Variants in EXOC5 observed in about 807,000 individuals in gnomAD.
EXOC5 encodes exocyst complex component 5.
Under a neutral mutation model 90.8 loss-of-function variants are expected in EXOC5, and 17 were observed. The observed-to-expected ratio is 0.19, with a 90% CI of 0.13 to 0.28. The LOEUF (loss-of-function observed/expected upper bound fraction) is 0.28. Ranked by LOEUF, EXOC5 falls within the 10% of genes least tolerant of loss-of-function variation. EXOC5 has a pLI of 1.00. For missense variants in EXOC5, 569 were observed against 830.6 expected (o/e 0.69, Z 3.87); for synonymous variants, 260 against 270.0 (o/e 0.96, Z 0.36).
intron 12 of EXOC5, among the ~76,000 whole-genome samples, chr14:57,228,207 A>G (rs1883369007): frequency 6.6e-6 from 1 of 152,118 alleles, no homozygotes; most frequent in South Asian, 2.1e-4. Context: ...GAAACAACAA[A>G]TGCTGGAGAG....
intron 6 of EXOC5, among the ~76,000 whole-genome samples, chr14:57,236,884 AG>A (rs1257703703): frequency 6.6e-6 from 1 of 151,042 alleles, no homozygotes; most frequent in Non-Finnish European, 1.5e-5. Flanking sequence ...GGAGTTAAAT[AG>A]ATACTGAAAT....
intron 17 of EXOC5, among the ~76,000 whole-genome samples, chr14:57,209,209 C>T (rs1882752805): frequency 6.6e-6 from 1 of 151,742 alleles, no homozygotes; most frequent in Non-Finnish European, 1.5e-5. Flanking sequence ...TGAAAATACA[C>T]CATAAAGCAA....
intron 1 of EXOC5, among the ~76,000 whole-genome samples, chr14:57,260,897 C>A (rs1884484167): frequency 6.6e-6 from 1 of 152,092 alleles, no homozygotes; most frequent in Admixed American, 6.5e-5. Context: ...CATTTCAAAT[C>A]AAATTAAGTG....
At chr14:57,252,056 T>C (rs139530942) in intron 1 of EXOC5, among the ~76,000 whole-genome samples, 12 of 152,252 alleles carry the variant, frequency 7.9e-5, no homozygotes, top group African/African-American at 2.9e-4. Flanking sequence ...GGGGACTGAA[T>C]CAGTAATCAA....
Position 57,268,705 on chromosome 14 carries a change from C to A in EXOC5, c.-57G>T, listed in dbSNP as rs1884780600. 1.9e-6 allele frequency: 3 copies of A among 1,553,658 alleles called. No homozygotes were observed. In the African/African-American group the frequency reaches 4.1e-5, roughly 21 times the overall value. On this transcript the variant is annotated 5_prime_UTR_variant, in exon 1 of 18. Coordinates refer to ENST00000621441, the MANE Select transcript of EXOC5 (RefSeq NM_006544.4). The stretch of plus-strand genomic sequence containing the variant: ...GATGCCGTCTCCGCTTCACATGCTG[C>A]GCCTCAGAGGCGCGGCGCACAGGTC...
chr14:57,256,968 T>C (rs957898107), intron 1 of EXOC5, among the ~76,000 whole-genome samples: 29 of 152,170 alleles, frequency 1.9e-4, no homozygotes, highest in African/African-American at 7.0e-4. Context: ...CCAAGGTTAC[T>C]TCCTAATAAA....
rs1882682964 is a variant in EXOC5 at position 57,207,204 on chromosome 14, G to C, written c.*1405C>G. The C allele has an allele frequency of 6.6e-6, 1 of 152,478 alleles. No individual in the cohort carries two copies. The highest frequency in any genetic ancestry group is 1.5e-5 in the Non-Finnish European group (1 of 67,944). 9.4% of individuals were successfully genotyped at this position (152,478 alleles called of 1,614,324 possible). ...CAGTACTAAGTTAGCTCTGGACTTA[G>C]AAGGTTTGGTAAAGTTGATGACATT... On this transcript the variant is annotated 3_prime_UTR_variant, in exon 18 of 18. Coordinates refer to ENST00000621441, the MANE Select transcript of EXOC5 (RefSeq NM_006544.4).
intron 1 of EXOC5, among the ~76,000 whole-genome samples, chr14:57,247,998 T>C (rs1180008215): frequency 6.6e-6 from 1 of 151,476 alleles, no homozygotes; most frequent in Non-Finnish European, 1.5e-5. Flanking sequence ...AAGTAATTTG[T>C]AGAAGAAATA....
intron 12 of EXOC5, among the ~76,000 whole-genome samples, chr14:57,227,111 C>T (rs10136423): frequency 0.24 from 37,053 of 152,002 alleles, 10,884 homozygotes; most frequent in African/African-American, 0.71. Flanking sequence ...ATAAAACACA[C>T]GATTGATTTA....
chr14:57,236,584 C>A (rs1425819452), intron 6 of EXOC5, among the ~76,000 whole-genome samples: 7 of 152,074 alleles, frequency 4.6e-5, no homozygotes, highest in African/African-American at 7.2e-5. Context: ...CCATGTCCGG[C>A]CCTATTCACT....
chr14:57,262,556 GTGTGTGTGTA>G (rs1358309743), intron 1 of EXOC5, among the ~76,000 whole-genome samples: 1 of 147,328 alleles, frequency 6.8e-6, no homozygotes, highest in Non-Finnish European at 1.5e-5. Flanking sequence ...GTGTGTGTGT[GTGTGTGTGTA>G]TATATATATA....
intron 1 of EXOC5, among the ~76,000 whole-genome samples, chr14:57,255,443 T>C (rs1038068331): frequency 6.6e-6 from 1 of 152,060 alleles, no homozygotes; most frequent in Non-Finnish European, 1.5e-5. Context: ...GCACCCAGTT[T>C]ACAGCAAAGG....
chr14:57,214,253 C>T (rs1200839669), intron 15 of EXOC5, among the ~76,000 whole-genome samples: 4 of 152,114 alleles, frequency 2.6e-5, no homozygotes, highest in Non-Finnish European at 5.9e-5. Context: ...ATATTTATCA[C>T]AGCTGAAGAG....
At chr14:57,259,559 C>A (rs574242511) in intron 1 of EXOC5, among the ~76,000 whole-genome samples, 2 of 152,192 alleles carry the variant, frequency 1.3e-5, no homozygotes, top group African/African-American at 4.8e-5. Context: ...CCAGGTAACT[C>A]ACCCCACCAA....
intron 6 of EXOC5, among the ~76,000 whole-genome samples, chr14:57,236,759 A>G (rs371342395): frequency 1.3e-5 from 2 of 152,122 alleles, no homozygotes; most frequent in South Asian, 2.1e-4. Flanking sequence ...GGCCTACTCT[A>G]AATAGTGACC....
chr14:57,205,652 C>A lies in EXOC5; in HGVS notation c.*2957G>T. 1 of 325,644 alleles carries A rather than the reference C, an allele frequency of 3.1e-6. No individual in the cohort carries two copies. Among genetic ancestry groups the A allele is most frequent in the Non-Finnish European group, 5.9e-6 (1 of 169,854 alleles). 20.2% of individuals were successfully genotyped at this position (325,644 alleles called of 1,614,324 possible). A position where few individuals can be genotyped will look rare whatever the true frequency, so the allele number is the denominator to read the frequency against. On this transcript the variant is annotated 3_prime_UTR_variant, in exon 18 of 18. Transcript: ENST00000621441. ...CATTTTAGGGAAGCAGTGAATTCTC[C>A]ACTTGGAATCAATCTACTGATTGAT...
At chr14:57,251,236 G>A (rs1041099898) in intron 1 of EXOC5, among the ~76,000 whole-genome samples, 1 of 152,130 alleles carries the variant, frequency 6.6e-6, no homozygotes, top group African/African-American at 2.4e-5. Flanking sequence ...AAAAATTCCT[G>A]GAACAACCTG....
intron 1 of EXOC5, among the ~76,000 whole-genome samples, chr14:57,265,643 T>A (rs1884649512): frequency 6.6e-6 from 1 of 152,200 alleles, no homozygotes; most frequent in Non-Finnish European, 1.5e-5. Context: ...GCAGATGGAT[T>A]GTGCCAGGAG....
chr14:57,226,733 G>T (rs944668374), intron 12 of EXOC5, among the ~76,000 whole-genome samples: 1 of 152,090 alleles, frequency 6.6e-6, no homozygotes, highest in Non-Finnish European at 1.5e-5. Flanking sequence ...AATTCAGTGC[G>T]GAAAGGATAG....
Sources: gnomAD v4.1 joint callset for allele counts (sites outside exome capture counted in the v4.1 genomes callset) on GRCh38, gnomAD v4.1.1 for gene constraint, MANE v1.5 for transcripts, NCBI Gene and HGNC (gene_info 2026-07-23, HGNC 2026-07-21) for gene names.